COL4A1: variants seen among roughly 807,000 people sequenced by gnomAD.
The protein encoded by COL4A1 is collagen type IV alpha 1 chain, also known as collagen alpha-1(IV) chain.
COL4A1 carries 40 observed loss-of-function variants against 216.6 expected under a neutral mutation model. The observed-to-expected ratio is 0.18, with a 90% CI of 0.14 to 0.24. The LOEUF (loss-of-function observed/expected upper bound fraction) is 0.24. COL4A1 is among the 10% of genes least tolerant of loss of function. The pLI is 1.00. For synonymous variants in COL4A1, 839 were observed against 810.7 expected (o/e 1.03, Z -0.59); for missense variants, 1,628 against 2,196.8 (o/e 0.74, Z 5.18).
At position 110,253,136 on chromosome 13, in the gene COL4A1, A is replaced by ATG. The variant is rs1414346194; in HGVS notation, c.85-10403_85-10402insCA. Among the ~76,000 whole-genome samples the ATG allele has an allele frequency of 6.8e-3, 908 of 134,040 alleles. 223 individuals carry two copies. The highest frequency in any genetic ancestry group is 0.03 in the Admixed American group (378 of 12,648). The allele number at this position is 134,040 out of a possible 152,430, so 87.9% of individuals were successfully genotyped here. On this transcript the variant is annotated intron_variant, in intron 1 of 51. Transcript: ENST00000375820. ...ATATGTACGTATGTATTATATATAC[A>ATG]TATAACTATATGTACGTATTATATA...
chr13:110,205,440 G>A (rs1879457584), intron 16 of COL4A1, 34 bp from the exon 17 acceptor site: 1 of 1,612,350 alleles, frequency 6.2e-7, no homozygotes, highest in Non-Finnish European at 8.5e-7. Flanking sequence ...AACCGTCAGA[G>A]GCCAGTGGTA....
chr13:110,244,946 T>G (rs894748792), intron 1 of COL4A1, among the ~76,000 whole-genome samples: 4 of 152,210 alleles, frequency 2.6e-5, no homozygotes, highest in Non-Finnish European at 4.4e-5. Context: ...ATCTTAGAAT[T>G]GATGAAATCA....
intron 1 of COL4A1, among the ~76,000 whole-genome samples, chr13:110,279,315 C>T (rs1240954532): frequency 2.6e-5 from 4 of 152,174 alleles, no homozygotes; most frequent in Non-Finnish European, 5.9e-5. Context: ...CAGTTCCACA[C>T]CTGAGGCCCT....
chr13:110,234,393 C>G (rs1029817385), intron 2 of COL4A1, among the ~76,000 whole-genome samples: 1 of 152,098 alleles, frequency 6.6e-6, no homozygotes, highest in African/African-American at 2.4e-5. Flanking sequence ...ACCAGCCTGG[C>G]CAACATGGTG....
intron 1 of COL4A1, among the ~76,000 whole-genome samples, chr13:110,256,910 T>C (rs372673412): frequency 3.4e-4 from 52 of 152,332 alleles, no homozygotes; most frequent in African/African-American, 4.8e-4. Flanking sequence ...GTCTCTATGA[T>C]AGCAATCATA....
At chr13:110,230,850 G>C (rs4506763) in intron 2 of COL4A1, among the ~76,000 whole-genome samples, 44,340 of 152,150 alleles carry the variant, frequency 0.29, 6,646 homozygotes, top group East Asian at 0.33. Flanking sequence ...CCAGCCGCCC[G>C]GAACCTCTGC....
At chr13:110,260,025 C>A (rs1163250366) in intron 1 of COL4A1, among the ~76,000 whole-genome samples, 1 of 152,174 alleles carries the variant, frequency 6.6e-6, no homozygotes, top group Admixed American at 6.5e-5. Flanking sequence ...ACATCTCTCT[C>A]ATTCACTCTG....
chr13:110,303,908 G>A lies in COL4A1; in HGVS notation c.84+3036C>T, dbSNP rs1357496267. Among the ~76,000 whole-genome samples the A allele has an allele frequency of 3.3e-5, 5 of 152,226 alleles. No homozygotes were observed. The East Asian group carries it at 9.6e-4, about 29-fold the overall frequency. Reference sequence around the variant, plus strand: ...GGCACAAACGGGTCCGTGTGAGGAAGGGACAGACCTGCCAGGGAAACTGAG... The same window carrying A: ...GGCACAAACGGGTCCGTGTGAGGAAAGGACAGACCTGCCAGGGAAACTGAG... On this transcript the variant is annotated intron_variant, in intron 1 of 51. Coordinates refer to ENST00000375820, the MANE Select transcript of COL4A1 (RefSeq NM_001845.6).
chr13:110,257,923 A>C (rs934772611), intron 1 of COL4A1, among the ~76,000 whole-genome samples: 12 of 152,268 alleles, frequency 7.9e-5, no homozygotes, highest in Non-Finnish European at 1.5e-4. Context: ...AAAATAAATA[A>C]GAAATACATA....
intron 2 of COL4A1, among the ~76,000 whole-genome samples, chr13:110,230,878 T>A (rs1273692629): frequency 6.6e-6 from 1 of 152,304 alleles, no homozygotes; most frequent in South Asian, 2.1e-4. Context: ...GCTCCTGATG[T>A]GTGGTCCAGG....
rs979843649 is a variant in COL4A1, at chr13:110,240,238, C to A, written c.144+2437G>T. Among the ~76,000 whole-genome samples the A allele has an allele frequency of 6.6e-5, 10 of 152,178 alleles. No individual in the cohort carries two copies. The East Asian group carries it at 1.7e-3, about 27-fold the overall frequency. ...AAAATTAAAAAAAAACAGTAAGAAC[C>A]CCAAAGTTGGCAATGGAGAAACAGG... On this transcript the variant is annotated intron_variant, in intron 2 of 51. Transcript: ENST00000375820.
At position 110,192,296 on chromosome 13, in the gene COL4A1, G is replaced by A; in HGVS notation, c.1466-12C>T. The A allele has an allele frequency of 6.2e-7, 1 of 1,613,936 alleles. No homozygotes were observed. The highest frequency in any genetic ancestry group is 8.5e-7 in the Non-Finnish European group (1 of 1,179,802). The stretch of plus-strand genomic sequence containing the variant: ...CTGCCCTGGGAAACCTTTCGTGAGA[G>A]AGAGGGAAAAAGACAGCAACACAGC... On this transcript the variant is annotated splice_polypyrimidine_tract_variant and intron_variant, in intron 23 of 51. Transcript: ENST00000375820.
intron 1 of COL4A1, among the ~76,000 whole-genome samples, chr13:110,303,672 C>T (rs1884579795): frequency 2.6e-5 from 4 of 152,186 alleles, no homozygotes; most frequent in Admixed American, 2.6e-4. Context: ...TCTGAGTTCC[C>T]CAAAGCTGGA....
intron 2 of COL4A1, among the ~76,000 whole-genome samples, chr13:110,241,766 A>G (rs1243941442): frequency 6.6e-6 from 1 of 152,244 alleles, no homozygotes; most frequent in African/African-American, 2.4e-5. Flanking sequence ...AATTTTCTGT[A>G]AACTAGAATT....
At chr13:110,260,844 T>C (rs1882786718) in intron 1 of COL4A1, among the ~76,000 whole-genome samples, 1 of 151,938 alleles carries the variant, frequency 6.6e-6, no homozygotes, top group East Asian at 1.9e-4. Flanking sequence ...GGTCAGGAGA[T>C]GGAGACCACG....
intron 44 of COL4A1, 71 bp downstream of exon 44, chr13:110,167,087 C>T (rs549125876): frequency 1.6e-6 from 2 of 1,284,688 alleles, no homozygotes; most frequent in African/African-American, 1.5e-5. Flanking sequence ...CTAAGGTGCC[C>T]GAGGTTAGCA....
intron 2 of COL4A1, among the ~76,000 whole-genome samples, chr13:110,227,906 C>T (rs1343576976): frequency 4.6e-5 from 7 of 152,212 alleles, no homozygotes; most frequent in Admixed American, 2.6e-4. Flanking sequence ...CGGGGAGGCC[C>T]GCTGTGGAGG....
At chr13:110,305,269 A>G (rs1015569589) in intron 1 of COL4A1, among the ~76,000 whole-genome samples, 3 of 152,230 alleles carry the variant, frequency 2.0e-5, no homozygotes, top group African/African-American at 7.2e-5. Flanking sequence ...CCGGGAATGT[A>G]ATTGAGCTTT....
At chr13:110,200,990 T>C (rs1879165195) in intron 19 of COL4A1, 101 bp from the exon 20 acceptor site, 2 of 1,292,136 alleles carry the variant, frequency 1.5e-6, no homozygotes, top group African/African-American at 1.5e-5. Flanking sequence ...CATTGGTAAG[T>C]GTCCATGGCC....
Sources: gnomAD v4.1 joint callset for allele counts (sites outside exome capture counted in the v4.1 genomes callset) on GRCh38, gnomAD v4.1.1 for gene constraint, MANE v1.5 for transcripts, NCBI Gene and HGNC (gene_info 2026-07-23, HGNC 2026-07-21) for gene names.